NKAIN2: variants seen among roughly 807,000 people sequenced by gnomAD.
The protein encoded by NKAIN2 is sodium/potassium transporting ATPase interacting 2, also known as sodium/potassium-transporting ATPase subunit beta-1-interacting protein 2.
NKAIN2 carries 14 observed loss-of-function variants against 32.6 expected under a neutral mutation model. The ratio of observed to expected loss-of-function variants is 0.43; its 90% CI spans 0.28 to 0.67. The LOEUF (loss-of-function observed/expected upper bound fraction) is 0.67, where lower values mean the gene tolerates loss of function less well. Among genes scored for constraint, NKAIN2 ranks in the 30% least tolerant of loss-of-function variants. The pLI, the probability that NKAIN2 is intolerant of heterozygous loss-of-function variation, is 0.17. For missense variants in NKAIN2, 198 were observed against 258.3 expected (o/e 0.77, Z 1.60); for synonymous variants, 80 against 87.2 (o/e 0.92, Z 0.46).
chr6:124,664,226 G>A (rs1772650250), intron 4 of NKAIN2, among the ~76,000 whole-genome samples: 1 of 151,038 alleles, frequency 6.6e-6, no homozygotes, highest in African/African-American at 2.4e-5. Flanking sequence ...AGTGATCTGA[G>A]ATCATACCAT....
At chr6:123,951,100 T>C (rs1777305745) in intron 1 of NKAIN2, among the ~76,000 whole-genome samples, 2 of 152,052 alleles carry the variant, frequency 1.3e-5, no homozygotes, top group Non-Finnish European at 2.9e-5. Context: ...TTTCTAGTTT[T>C]ATTTTATTGT....
chr6:124,105,499 G>C (rs1227640167), intron 1 of NKAIN2, among the ~76,000 whole-genome samples: 1 of 152,152 alleles, frequency 6.6e-6, no homozygotes, highest in Non-Finnish European at 1.5e-5. Context: ...CAAGACTGTA[G>C]TTGAGACTAC....
chr6:123,824,888 C>G (rs1774082599), intron 1 of NKAIN2, among the ~76,000 whole-genome samples: 1 of 152,080 alleles, frequency 6.6e-6, no homozygotes, highest in Admixed American at 6.6e-5. Flanking sequence ...TCAATGTGCT[C>G]TGCTTCAGAA....
At chr6:124,507,816 T>C (rs892616278) in intron 3 of NKAIN2, among the ~76,000 whole-genome samples, 9 of 152,046 alleles carry the variant, frequency 5.9e-5, no homozygotes, top group Non-Finnish European at 8.8e-5. Flanking sequence ...GGGGACATAA[T>C]AGAAAGACAT....
At chr6:124,133,642 A>T (rs931343432) in intron 1 of NKAIN2, among the ~76,000 whole-genome samples, 12 of 152,206 alleles carry the variant, frequency 7.9e-5, no homozygotes, top group African/African-American at 2.6e-4. Flanking sequence ...AGAACAAGAT[A>T]AGCTTCTAGA....
At chr6:124,784,638 G>A (rs897054838) in intron 4 of NKAIN2, among the ~76,000 whole-genome samples, 2 of 151,998 alleles carry the variant, frequency 1.3e-5, no homozygotes, top group Non-Finnish European at 1.5e-5. Flanking sequence ...ACAGAATGAC[G>A]CTGGGGTTGC....
intron 1 of NKAIN2, among the ~76,000 whole-genome samples, chr6:123,898,873 A>G (rs1774417810): frequency 6.6e-6 from 1 of 152,200 alleles, no homozygotes; most frequent in Admixed American, 6.5e-5. Flanking sequence ...CTCCTGAGTC[A>G]TAGGGCTTCC....
At chr6:124,335,524 G>A (rs1392496019) in intron 2 of NKAIN2, among the ~76,000 whole-genome samples, 3 of 152,094 alleles carry the variant, frequency 2.0e-5, no homozygotes, top group Non-Finnish European at 4.4e-5. Flanking sequence ...GCTGAAATGA[G>A]ATTAAAGCAT....
At chr6:124,791,585 A>G (rs1779749416) in intron 5 of NKAIN2, among the ~76,000 whole-genome samples, 186 bp downstream of exon 5, 1 of 152,186 alleles carries the variant, frequency 6.6e-6, no homozygotes, top group African/African-American at 2.4e-5. Context: ...AGAATGGAGA[A>G]GCACCCATTT....
intron 1 of NKAIN2, among the ~76,000 whole-genome samples, chr6:124,151,741 A>G (rs1212183440): frequency 2.0e-5 from 3 of 151,984 alleles, no homozygotes; most frequent in South Asian, 2.1e-4. Flanking sequence ...CCTTTTCCCA[A>G]TGACTTACGA....
intron 3 of NKAIN2, among the ~76,000 whole-genome samples, chr6:124,477,009 C>T (rs1415615420): frequency 6.6e-6 from 1 of 152,166 alleles, no homozygotes; most frequent in African/African-American, 2.4e-5. Context: ...TACAGAGCCT[C>T]AGGACTTCCA....
At chr6:124,599,523 C>A (rs1782227597) in intron 3 of NKAIN2, among the ~76,000 whole-genome samples, 1 of 152,164 alleles carries the variant, frequency 6.6e-6, no homozygotes, top group Non-Finnish European at 1.5e-5. Context: ...TACTTTTAAT[C>A]TGCGTGTGAG....
At chr6:123,879,508 G>T (rs529167055) in intron 1 of NKAIN2, among the ~76,000 whole-genome samples, 2 of 152,270 alleles carry the variant, frequency 1.3e-5, no homozygotes, top group African/African-American at 4.8e-5. Flanking sequence ...TAGTGCTCCA[G>T]GTTATTGACA....
intron 3 of NKAIN2, among the ~76,000 whole-genome samples, chr6:124,429,037 T>C (rs913503698): frequency 1.3e-5 from 2 of 152,120 alleles, no homozygotes; most frequent in Admixed American, 1.3e-4. Flanking sequence ...CTCATACTTT[T>C]ACTCTTTTTT....
At position 124,486,039 on chromosome 6, in the gene NKAIN2, G is replaced by C. The variant is rs59956796; in HGVS notation, c.273+130692G>C. Among the ~76,000 whole-genome samples, 844 of 152,264 alleles carry C rather than the reference G, an allele frequency of 5.5e-3. 30 individuals carry two copies. In the East Asian group the frequency reaches 0.083, roughly 15 times the overall value. On this transcript the variant is annotated intron_variant, in intron 3 of 6. Coordinates refer to ENST00000368417, the MANE Select transcript of NKAIN2 (RefSeq NM_001040214.3). Reference sequence around the variant, plus strand: ...CAATGAGCCGACTCTAAAGATTGCTGAGTTTCAATTTGCATTATTGATGTT... The same window carrying C: ...CAATGAGCCGACTCTAAAGATTGCTCAGTTTCAATTTGCATTATTGATGTT...
chr6:124,670,597 A>T (rs866218883), intron 4 of NKAIN2, among the ~76,000 whole-genome samples: 20 of 151,780 alleles, frequency 1.3e-4, no homozygotes, highest in African/African-American at 4.6e-4. Flanking sequence ...CTGAAAGCAC[A>T]ATTAAATATA....
intron 3 of NKAIN2, among the ~76,000 whole-genome samples, chr6:124,600,885 T>TA (rs965911927): frequency 2.6e-5 from 4 of 152,022 alleles, no homozygotes; most frequent in African/African-American, 9.7e-5. Flanking sequence ...CTCGATTTTT[T>TA]AAAAAAGAAT....
intron 4 of NKAIN2, among the ~76,000 whole-genome samples, chr6:124,774,279 A>ATACC (rs1304760267): frequency 6.6e-6 from 1 of 152,150 alleles, no homozygotes; most frequent in Non-Finnish European, 1.5e-5. Flanking sequence ...GATTCTGAGT[A>ATACC]TACCTTGAAG....
At chr6:123,908,374 G>C (rs1371335293) in intron 1 of NKAIN2, among the ~76,000 whole-genome samples, 1 of 152,128 alleles carries the variant, frequency 6.6e-6, no homozygotes, top group Non-Finnish European at 1.5e-5. Context: ...AGGCTCTTCA[G>C]CTCTTGCTAG....
Sources: allele counts gnomAD v4.1 joint callset (sites outside exome capture counted in the v4.1 genomes callset), GRCh38; gene constraint gnomAD v4.1.1; transcripts MANE v1.5; gene names NCBI Gene and HGNC (gene_info 2026-07-23, HGNC 2026-07-21).